The following ZBTB40 variants were observed in gnomAD, a reference collection of about 807,000 sequenced individuals.
ZBTB40 encodes the protein zinc finger and BTB domain-containing protein 40.
In ZBTB40, 60 loss-of-function variants were observed where a neutral mutation model predicts 117.5. The observed-to-expected ratio is 0.51, with a 90% CI of 0.41 to 0.63. ZBTB40 has a LOEUF of 0.63. Ranked by LOEUF, ZBTB40 falls within the 30% of genes least tolerant of loss-of-function variation. ZBTB40 has a pLI of 0.00. For synonymous variants in ZBTB40, 525 were observed against 577.1 expected, an observed-to-expected ratio of 0.91 and a Z score of 1.29; for missense variants, 1,287 against 1,498.5, an observed-to-expected ratio of 0.86 and a Z score of 2.33.
intron 3 of ZBTB40, among the ~76,000 whole-genome samples, chr1:22,499,392 A>C (rs1638865742): frequency 6.6e-6 from 1 of 152,214 alleles, no homozygotes; most frequent in Admixed American, 6.5e-5. Flanking sequence ...GGTTCAATCC[A>C]ACAGCATGAA....
At chr1:22,429,029 A>G (rs1640541465) in intron 1 of ZBTB40, among the ~76,000 whole-genome samples, 1 of 152,214 alleles carries the variant, frequency 6.6e-6, no homozygotes, top group Admixed American at 6.5e-5. Flanking sequence ...GTCTAAATCT[A>G]ACTGATACAA....
chr1:22,458,961 A>T (rs1569773488), intron 1 of ZBTB40, among the ~76,000 whole-genome samples: 1 of 152,196 alleles, frequency 6.6e-6, no homozygotes, highest in East Asian at 1.9e-4. Context: ...TTTTTATTTC[A>T]TACCTAAACC....
chr1:22,514,579 C>T (rs537305711), intron 12 of ZBTB40, among the ~76,000 whole-genome samples: 1 of 152,316 alleles, frequency 6.6e-6, no homozygotes, highest in Admixed American at 6.5e-5. Context: ...TCTCACGTTT[C>T]ACTTCCTCAC....
At chr1:22,522,259 C>T (rs1321862341) in intron 15 of ZBTB40, 118 bp from the exon 16 acceptor site, 2 of 932,036 alleles carry the variant, frequency 2.1e-6, no homozygotes, top group South Asian at 1.3e-5. Context: ...ATTCCTGGCA[C>T]TTGGTAGATG....
intron 1 of ZBTB40, among the ~76,000 whole-genome samples, chr1:22,429,059 AAGTAGTCAAAT>A (rs1640542183): frequency 6.6e-6 from 1 of 152,142 alleles, no homozygotes; most frequent in Middle Eastern, 3.2e-3. Flanking sequence ...TTTCATTTTG[AAGTAGTCAAAT>A]CCAGATATTT....
At chr1:22,461,200 A>G (rs949029203) in intron 1 of ZBTB40, among the ~76,000 whole-genome samples, 1 of 152,142 alleles carries the variant, frequency 6.6e-6, no homozygotes, top group South Asian at 2.1e-4. Flanking sequence ...ACCACTCTAG[A>G]CACAAGCTGC....
intron 1 of ZBTB40, among the ~76,000 whole-genome samples, chr1:22,436,047 A>G (rs1449412035): frequency 6.6e-6 from 1 of 151,996 alleles, no homozygotes; most frequent in Non-Finnish European, 1.5e-5. Context: ...ACTCTTGCAT[A>G]TTGATGATGG....
At chr1:22,430,820 T>C (rs910901887) in intron 1 of ZBTB40, among the ~76,000 whole-genome samples, 1 of 152,142 alleles carries the variant, frequency 6.6e-6, no homozygotes, top group Non-Finnish European at 1.5e-5. Flanking sequence ...ATTAGAGATA[T>C]AGTTTTTAGT....
At position 22,506,039 on chromosome 1, in the gene ZBTB40, G is replaced by A. The variant is rs927603897; in HGVS notation, c.1168-10G>A. The A allele has an allele frequency of 6.2e-7, 1 of 1,614,136 alleles. No homozygotes were observed. The highest frequency in any genetic ancestry group is 8.5e-7 in the Non-Finnish European group (1 of 1,179,974). On this transcript the variant is annotated splice_polypyrimidine_tract_variant and intron_variant, in intron 5 of 17. Transcript: ENST00000375647. ...GTAACTGGTGTCTGGTTGATTGCTTGCCACTGCAGGTGATTCTGAATTGCT... is the reference window on the plus strand; with the variant it reads ...GTAACTGGTGTCTGGTTGATTGCTTACCACTGCAGGTGATTCTGAATTGCT...
chr1:22,527,554 A>G lies in ZBTB40; in HGVS notation c.*1158A>G, dbSNP rs1405945899. 6.6e-6 allele frequency: 1 copy of G among 152,406 alleles called. No homozygotes were observed. Among genetic ancestry groups the G allele is most frequent in the African/African-American group, 2.4e-5 (1 of 41,460 alleles). The allele number at this position is 152,406 out of a possible 1,614,324, so 9.4% of individuals were successfully genotyped here. A position where few individuals can be genotyped will look rare whatever the true frequency, so the allele number is the denominator to read the frequency against. On this transcript the variant is annotated 3_prime_UTR_variant, in exon 18 of 18. Coordinates refer to ENST00000375647, the MANE Select transcript of ZBTB40 (RefSeq NM_014870.4). ...TTCCTGCCGTTTGGAGAGAATGACTAGCATTTATCTTCTTTTCCTTCCATG... is the reference window on the plus strand; with the variant it reads ...TTCCTGCCGTTTGGAGAGAATGACTGGCATTTATCTTCTTTTCCTTCCATG...
At position 22,513,258 on chromosome 1, in the gene ZBTB40, CAAT is replaced by C. The variant is rs1639290907; in HGVS notation, c.2668+134_2668+136del. ...GATAGCACAACAGGGTGACTAAAGT[CAAT>C]AATAACTTAATTGTACATTTTAAAT... On this transcript the variant is annotated intron_variant, in intron 12 of 17. Transcript: ENST00000375647. This position sits in a 1 kb window ranked among gnomAD's most constrained non-coding sequence, Gnocchi z 4.9. The C allele has an allele frequency of 2.0e-6, 2 of 983,102 alleles. No homozygotes were observed. The highest frequency in any genetic ancestry group is 3.2e-5 in the African/African-American group (2 of 62,000). 60.9% of individuals were successfully genotyped at this position (983,102 alleles called of 1,614,324 possible). A position where few individuals can be genotyped will look rare whatever the true frequency, so the allele number is the denominator to read the frequency against.
chr1:22,464,450 C>G (rs1240208194), intron 1 of ZBTB40, among the ~76,000 whole-genome samples: 1 of 152,196 alleles, frequency 6.6e-6, no homozygotes, highest in Non-Finnish European at 1.5e-5. Flanking sequence ...TATGTCAGTT[C>G]CTTTCAGGCA....
Position 22,439,769 on chromosome 1 carries a change from G to A in ZBTB40, c.-70+10755G>A, listed in dbSNP as rs1640710550. Among the ~76,000 whole-genome samples the A allele has an allele frequency of 2.6e-5, 4 of 152,216 alleles. No individual in the cohort carries two copies. In the South Asian group the frequency reaches 8.3e-4, roughly 31 times the overall value. ...AGTAAGTTTTGAAATGAGGAAGCAT[G>A]AGTCCTCCAGCATTGTTCTTTTTTA... is the stretch of plus-strand genomic sequence containing the variant. On this transcript the variant is annotated intron_variant, in intron 1 of 8. Coordinates refer to the ZBTB40 transcript ENST00000650433.
intron 1 of ZBTB40, chr1:22,452,845 G>A (rs1274361967): frequency 6.6e-6 from 1 of 152,300 alleles, no homozygotes; most frequent in Non-Finnish European, 1.5e-5. Flanking sequence ...AGTTTCTCCT[G>A]CTTTGAATAG....
rs1639778949 is a variant in ZBTB40 at position 22,529,689 on chromosome 1, G to A, written c.*3293G>A. The A allele has an allele frequency of 6.6e-6, 1 of 152,240 alleles. No individual in the cohort carries two copies. The highest frequency in any genetic ancestry group is 2.4e-5 in the African/African-American group (1 of 41,430). 9.4% of individuals were successfully genotyped at this position (152,240 alleles called of 1,614,324 possible). A position where few individuals can be genotyped will look rare whatever the true frequency, so the allele number is the denominator to read the frequency against. Reference sequence around the variant, plus strand: ...CTCTCTTCTGTCTCAGAAGCTCTGTGTTTGGGAAACTTTGAGCCCAGTGAG... The same window carrying A: ...CTCTCTTCTGTCTCAGAAGCTCTGTATTTGGGAAACTTTGAGCCCAGTGAG... On this transcript the variant is annotated 3_prime_UTR_variant, in exon 18 of 18. Transcript: ENST00000375647.
intron 1 of ZBTB40, among the ~76,000 whole-genome samples, chr1:22,470,470 C>G (rs1273065877): frequency 6.6e-6 from 1 of 152,052 alleles, no homozygotes; most frequent in Non-Finnish European, 1.5e-5. Flanking sequence ...CAGAAGGAAG[C>G]TAGAAGGGGG....
chr1:22,434,098 G>A (rs956148747), intron 1 of ZBTB40, among the ~76,000 whole-genome samples: 1 of 152,130 alleles, frequency 6.6e-6, no homozygotes, highest in African/African-American at 2.4e-5. Context: ...GGGAATGCCC[G>A]TTTACCATCA....
chr1:22,519,780 T>C, intron 13 of ZBTB40: 1 of 473,106 alleles, frequency 2.1e-6, no homozygotes, highest in Non-Finnish European at 3.9e-6. Context: ...TAATTTAACT[T>C]GAAAGATGTA....
chr1:22,492,476 T>C (rs1003660378), intron 3 of ZBTB40, among the ~76,000 whole-genome samples: 3 of 152,264 alleles, frequency 2.0e-5, no homozygotes, highest in African/African-American at 7.2e-5. Context: ...CTCCCAGCCC[T>C]GCTTCCCCTT....
Sources: gnomAD v4.1 joint callset for allele counts (sites outside exome capture counted in the v4.1 genomes callset) on GRCh38, gnomAD v4.1.1 for gene constraint, Gnocchi (gnomAD v3.1) non-coding constraint, MANE v1.5 for transcripts, NCBI Gene and HGNC (gene_info 2026-07-23, HGNC 2026-07-21) for gene names.